The following CEP83 variants were observed in gnomAD, a reference collection of about 807,000 sequenced individuals.
CEP83 encodes the protein centrosomal protein of 83 kDa.
CEP83 carries 70 observed loss-of-function variants against 101.9 expected under a neutral mutation model. That is an observed-to-expected ratio of 0.69 (90% CI 0.57 to 0.84). CEP83 has a LOEUF of 0.84. Ranked by LOEUF, CEP83 falls within the 40% of genes least tolerant of loss-of-function variation. CEP83 has a pLI of 0.00. For missense variants in CEP83, 715 were observed against 787.2 expected, an observed-to-expected ratio of 0.91 and a Z score of 1.10; for synonymous variants, 264 against 267.9, an observed-to-expected ratio of 0.99 and a Z score of 0.14.
chr12:94,335,235 A>T (rs1317983131), intron 12 of CEP83, among the ~76,000 whole-genome samples: 1 of 152,136 alleles, frequency 6.6e-6, no homozygotes, highest in Non-Finnish European at 1.5e-5. Flanking sequence ...TAAAGTTACA[A>T]GTCAATCACA....
intron 4 of CEP83, among the ~76,000 whole-genome samples, chr12:94,406,116 A>G (rs2063519654): frequency 6.6e-6 from 1 of 152,210 alleles, no homozygotes; most frequent in African/African-American, 2.4e-5. Flanking sequence ...GGAAATAATT[A>G]GCACTACACT....
rs1422741970 is a variant in CEP83 at position 94,310,092 on chromosome 12, A to T, written c.1827T>A (p.Phe609Leu). The change falls in exon 16 of 17, where the codon TTT (phenylalanine) becomes TTA (leucine). Residue 609 changes from phenylalanine to leucine, a missense_variant. Coordinates refer to ENST00000397809, the MANE Select transcript of CEP83 (RefSeq NM_016122.3). ...TTTTTTGAAGCCTTGTATAGTCTTC[A>T]AAAGGAACATTTTGTCTTAAAAAGA... is the stretch of plus-strand genomic sequence containing the variant. Reference protein sequence around the residue: ...NQVLNRQNVPFEDYTRLQKRL... With the variant: ...NQVLNRQNVPLEDYTRLQKRL... 6.4e-7 allele frequency: 1 copy of T among 1,557,512 alleles called. No individual in the cohort carries two copies. The highest frequency in any genetic ancestry group is 1.1e-5 in the South Asian group (1 of 87,180).
chr12:94,418,973 AAG>A (rs1178039175), intron 2 of CEP83, among the ~76,000 whole-genome samples: 1 of 152,148 alleles, frequency 6.6e-6, no homozygotes, highest in East Asian at 1.9e-4. Flanking sequence ...TGATCAAAAC[AAG>A]AAAGTCCATT....
intron 6 of CEP83, 136 bp from the exon 7 acceptor site, chr12:94,379,178 AT>A: frequency 1.4e-6 from 1 of 710,072 alleles, no homozygotes; most frequent in Non-Finnish European, 2.3e-6. Flanking sequence ...AAAGGAAAAA[AT>A]TTTAAGTATC....
chr12:94,327,109 A>G (rs1478441588), intron 14 of CEP83, among the ~76,000 whole-genome samples: 2 of 152,214 alleles, frequency 1.3e-5, no homozygotes, highest in African/African-American at 4.8e-5. Flanking sequence ...AAATTAGTGG[A>G]AAGGAATGAT....
chr12:94,409,228 CATG>C (rs1005274017), intron 4 of CEP83, among the ~76,000 whole-genome samples: 5 of 151,944 alleles, frequency 3.3e-5, no homozygotes, highest in Admixed American at 3.3e-4. Flanking sequence ...TATATGTATA[CATG>C]ATGTTTCTTT....
the CEP83 span, chr12:94,272,442 ACTTAATGT>A: frequency 6.6e-6 from 1 of 152,222 alleles, no homozygotes; most frequent in African/African-American, 2.4e-5. Flanking sequence ...TAACATATCC[ACTTAATGT>A]CATCGGCCAG....
At chr12:94,270,564 G>A in the CEP83 span, among the ~76,000 whole-genome samples, 1 of 152,046 alleles carries the variant, frequency 6.6e-6, no homozygotes, top group Non-Finnish European at 1.5e-5. Context: ...AACTCATGGG[G>A]CTCTTTGCCA....
At position 94,403,154 on chromosome 12, in the gene CEP83, A is replaced by G. The variant is rs369556807; in HGVS notation, c.417+16T>C. On this transcript the variant is annotated intron_variant, in intron 5 of 16. Coordinates refer to ENST00000397809, the MANE Select transcript of CEP83 (RefSeq NM_016122.3). Reference sequence around the variant, plus strand: ...CCATGAGGATAAATGCATAGTAAACAACATAAGTTACTTACTTCATCTAGA... The same window carrying G: ...CCATGAGGATAAATGCATAGTAAACGACATAAGTTACTTACTTCATCTAGA... The G allele has an allele frequency of 7.1e-6, 9 of 1,275,560 alleles. No homozygotes were observed. In the African/African-American group the frequency reaches 1.0e-4, roughly 15 times the overall value. 79.0% of individuals were successfully genotyped at this position (1,275,560 alleles called of 1,614,324 possible). A position where few individuals can be genotyped will look rare whatever the true frequency, so the allele number is the denominator to read the frequency against.
the CEP83 span, among the ~76,000 whole-genome samples, chr12:94,275,592 G>A: frequency 5.3e-4 from 46 of 86,210 alleles, 8 homozygotes; most frequent in African/African-American, 2.0e-3. Context: ...GGTGGCTCAC[G>A]CCTGTAATCC....
rs2063953163 is a variant in CEP83, at chr12:94,412,548, A to C, written c.-58T>G. ...AGTTTTCTTTCCAAGGGTATTTCCCACTCCTTTCTTGCTAAGGCAGAATCT... is the reference window on the plus strand; with the variant it reads ...AGTTTTCTTTCCAAGGGTATTTCCCCCTCCTTTCTTGCTAAGGCAGAATCT... On this transcript the variant is annotated 5_prime_UTR_variant, in exon 3 of 17. Coordinates refer to ENST00000397809, the MANE Select transcript of CEP83 (RefSeq NM_016122.3). 1 of 1,511,390 alleles carries C rather than the reference A, an allele frequency of 6.6e-7. No individual in the cohort carries two copies. The highest frequency in any genetic ancestry group is 9.1e-7 in the Non-Finnish European group (1 of 1,100,928). The allele number at this position is 1,511,390 out of a possible 1,614,324, so 93.6% of individuals were successfully genotyped here. A position where few individuals can be genotyped will look rare whatever the true frequency, so the allele number is the denominator to read the frequency against.
chr12:94,367,853 C>A lies in CEP83; in HGVS notation c.1284G>T (p.Glu428Asp), dbSNP rs775468824. The A allele has an allele frequency of 6.2e-6, 10 of 1,613,742 alleles. No homozygotes were observed. Among genetic ancestry groups the A allele is most frequent in the Non-Finnish European group, 8.5e-6 (10 of 1,179,836 alleles). The change falls in exon 11 of 17, where the codon GAG becomes GAT. Residue 428 changes from glutamate (E) to aspartate (D), a missense_variant. Physicochemically the swap from Glu to Asp is conservative, Grantham distance 45. Transcript: ENST00000397809. ...CTGCCATCTGTGAAGCCCGCAATTT[C>A]TCTTCATACTGATCCTTTTCAGATT... ...WRQSEKDQYE[E>D]KLRASQMAEE...
chr12:94,286,035 G>A, the CEP83 span, among the ~76,000 whole-genome samples: 2 of 152,186 alleles, frequency 1.3e-5, no homozygotes. Flanking sequence ...CTGTCTGCAA[G>A]GCAAGGTGAA....
intron 11 of CEP83, among the ~76,000 whole-genome samples, chr12:94,367,520 T>C (rs2061082087): frequency 6.6e-6 from 1 of 152,166 alleles, no homozygotes; most frequent in Non-Finnish European, 1.5e-5. Context: ...CATGTGATCC[T>C]GAATTGGGTT....
the CEP83 span, among the ~76,000 whole-genome samples, chr12:94,291,389 CTTTT>C: frequency 6.6e-6 from 1 of 152,066 alleles, no homozygotes; most frequent in Non-Finnish European, 1.5e-5. Context: ...ATGCTCAGCG[CTTTT>C]TTGTTTGTTT....
intron 6 of CEP83, among the ~76,000 whole-genome samples, chr12:94,392,894 TG>T (rs2062643473): frequency 6.6e-6 from 1 of 152,194 alleles, no homozygotes; most frequent in Non-Finnish European, 1.5e-5. Flanking sequence ...GATAAATTCC[TG>T]GACAAATACA....
At chr12:94,407,541 AC>A (rs1255218344) in intron 4 of CEP83, among the ~76,000 whole-genome samples, 1 of 152,148 alleles carries the variant, frequency 6.6e-6, no homozygotes, top group African/African-American at 2.4e-5. Flanking sequence ...TGTGCACCTC[AC>A]CACTGGCCTG....
At chr12:94,443,146 AT>A (rs2066535643) in intron 1 of CEP83, among the ~76,000 whole-genome samples, 1 of 145,286 alleles carries the variant, frequency 6.9e-6, no homozygotes, top group Non-Finnish European at 1.5e-5. Context: ...CCCTATACAA[AT>A]TCAAACATTT....
chr12:94,300,715 T>C, the CEP83 span, among the ~76,000 whole-genome samples: 1 of 152,184 alleles, frequency 6.6e-6, no homozygotes, highest in Non-Finnish European at 1.5e-5. Context: ...ATCCTTCTTT[T>C]ACAGTAGCTC....
Sources: allele counts gnomAD v4.1 joint callset (sites outside exome capture counted in the v4.1 genomes callset), GRCh38; gene constraint gnomAD v4.1.1; transcripts MANE v1.5; gene names NCBI Gene and HGNC (gene_info 2026-07-23, HGNC 2026-07-21).